KCNQ5: variants seen among roughly 807,000 people sequenced by gnomAD.
KCNQ5 encodes the protein potassium voltage-gated channel subfamily KQT member 5.
KCNQ5 carries 30 observed loss-of-function variants against 98.2 expected under a neutral mutation model. The ratio of observed to expected loss-of-function variants is 0.31; its 90% CI spans 0.23 to 0.41. KCNQ5 has a LOEUF of 0.41. Among genes scored for constraint, KCNQ5 ranks in the 10% least tolerant of loss-of-function variants. KCNQ5 has a pLI of 1.00. For synonymous variants in KCNQ5, 458 were observed against 449.4 expected, an observed-to-expected ratio of 1.02 and a Z score of -0.24; for missense variants, 835 against 1,182.5, an observed-to-expected ratio of 0.71 and a Z score of 4.31.
At position 73,153,813 on chromosome 6, in the gene KCNQ5, C is replaced by T. The variant is rs377687246; in HGVS notation, c.1469-15933C>T. 3.3e-5 allele frequency among the ~76,000 whole-genome samples: 5 copies of T among 150,624 alleles called. No individual in the cohort carries two copies. In the East Asian group the frequency reaches 7.7e-4, roughly 23 times the overall value. ...TTTTTATGTCAAGAATGTCATAATA[C>T]TAAATAAGTAAAATAAAAAATAATA... is the stretch of plus-strand genomic sequence containing the variant. On this transcript the variant is annotated intron_variant, in intron 10 of 13. Coordinates refer to ENST00000370398, the MANE Select transcript of KCNQ5 (RefSeq NM_019842.4).
intron 1 of KCNQ5, among the ~76,000 whole-genome samples, chr6:72,910,555 G>A (rs1467298223): frequency 7.7e-6 from 1 of 129,546 alleles, no homozygotes; most frequent in African/African-American, 2.9e-5. Flanking sequence ...AGAATGGAAA[G>A]GTAGGGGGGT....
intron 1 of KCNQ5, 54 bp from the exon 2 acceptor site, chr6:73,003,854 T>G: frequency 8.6e-7 from 1 of 1,168,032 alleles, no homozygotes; most frequent in Non-Finnish European, 1.3e-6. Flanking sequence ...AGAAATTAAG[T>G]CTGTGATAAT....
At chr6:72,826,356 G>C (rs1775992446) in intron 1 of KCNQ5, among the ~76,000 whole-genome samples, 1 of 152,234 alleles carries the variant, frequency 6.6e-6, no homozygotes, top group Non-Finnish European at 1.5e-5. Flanking sequence ...TTGTGGATTA[G>C]AAATAGTGAA....
intron 3 of KCNQ5, chr6:73,055,658 T>C: frequency 1.8e-6 from 2 of 1,140,258 alleles, no homozygotes; most frequent in Non-Finnish European, 1.3e-6. Context: ...CAACAGCCTC[T>C]GGGGCACTGA....
At chr6:72,993,965 G>T (rs1411497597) in intron 1 of KCNQ5, among the ~76,000 whole-genome samples, 1 of 96,726 alleles carries the variant, frequency 1.0e-5, no homozygotes, top group African/African-American at 5.2e-5. Flanking sequence ...TCCCAGTTAG[G>T]CTGCTCGGGG....
chr6:73,192,766 T>G lies in KCNQ5; in HGVS notation c.1836+75T>G. ...AAAATTTATTATAGGCAATTGTATG[T>G]ATTCCAGTGATTATTTTAAAATAAA... On this transcript the variant is annotated intron_variant, in intron 13 of 13. Transcript: ENST00000370398. 3 of 1,204,092 alleles carry G rather than the reference T, an allele frequency of 2.5e-6. No homozygotes were observed. In the South Asian group the frequency reaches 6.2e-5, roughly 25 times the overall value. 74.6% of individuals were successfully genotyped at this position (1,204,092 alleles called of 1,614,324 possible).
chr6:72,867,398 C>T (rs958015525), intron 1 of KCNQ5, among the ~76,000 whole-genome samples: 47 of 152,292 alleles, frequency 3.1e-4, no homozygotes, highest in African/African-American at 1.1e-3. Context: ...TTAAAAGAAA[C>T]ACAGAATGTT....
chr6:72,973,179 A>G (rs1767985731), intron 1 of KCNQ5, among the ~76,000 whole-genome samples: 1 of 152,250 alleles, frequency 6.6e-6, no homozygotes, highest in Non-Finnish European at 1.5e-5. Flanking sequence ...TTTATTGGTC[A>G]TAGGTTACAG....
chr6:73,092,023 T>C (rs1405484059), intron 5 of KCNQ5, among the ~76,000 whole-genome samples: 1 of 152,156 alleles, frequency 6.6e-6, no homozygotes, highest in Non-Finnish European at 1.5e-5. Flanking sequence ...TGTTTTGTAG[T>C]TTTCCATGTA....
At chr6:72,974,751 T>C (rs1768076497) in intron 1 of KCNQ5, among the ~76,000 whole-genome samples, 1 of 152,156 alleles carries the variant, frequency 6.6e-6, no homozygotes, top group South Asian at 2.1e-4. Flanking sequence ...CTACTTTTTT[T>C]TTTTTTTAGA....
intron 1 of KCNQ5, among the ~76,000 whole-genome samples, chr6:72,970,518 C>T (rs778786733): frequency 3.9e-5 from 6 of 152,082 alleles, no homozygotes; most frequent in Non-Finnish European, 8.8e-5. Flanking sequence ...AGCTAATTAC[C>T]AGTTGAGAAG....
intron 1 of KCNQ5, among the ~76,000 whole-genome samples, chr6:72,762,939 C>G (rs1366183387): frequency 1.3e-5 from 2 of 151,904 alleles, no homozygotes; most frequent in Non-Finnish European, 2.9e-5. Flanking sequence ...AGCACTGAGC[C>G]ATTTTAGTAA....
At chr6:72,841,875 CT>C (rs981105233) in intron 1 of KCNQ5, among the ~76,000 whole-genome samples, 2 of 152,110 alleles carry the variant, frequency 1.3e-5, no homozygotes, top group Admixed American at 6.6e-5. Context: ...TTCAAATCAA[CT>C]ATAGCATAAA....
intron 1 of KCNQ5, among the ~76,000 whole-genome samples, chr6:72,984,992 A>G (rs1357237001): frequency 6.6e-6 from 1 of 152,182 alleles, no homozygotes; most frequent in Admixed American, 6.5e-5. Flanking sequence ...AGATCACATG[A>G]AATCAGTAGT....
In KCNQ5 at chr6:72,833,383, C is replaced by T. The variant is rs561023138; in HGVS notation, c.399-170525C>T. ...TAACAACATTATTCAGCATTGCTTG[C>T]TTAGCATTTCACCAAACCAAACTCT... On this transcript the variant is annotated intron_variant, in intron 1 of 13. Coordinates refer to ENST00000370398, the MANE Select transcript of KCNQ5 (RefSeq NM_019842.4). Among the ~76,000 whole-genome samples, 58 of 152,240 alleles carry T rather than the reference C, an allele frequency of 3.8e-4. 1 individual carries two copies. Among genetic ancestry groups the T allele is most frequent in the South Asian group, 2.9e-3 (14 of 4,824 alleles).
intron 1 of KCNQ5, among the ~76,000 whole-genome samples, chr6:72,654,475 G>A (rs1425221851): frequency 1.3e-5 from 2 of 152,012 alleles, no homozygotes; most frequent in African/African-American, 4.8e-5. Context: ...ATAAATTTGT[G>A]AGTCGGTTTT....
Position 72,742,455 on chromosome 6 carries a change from T to A in KCNQ5, c.398+119868T>A, listed in dbSNP as rs375274481. 1.6e-4 allele frequency among the ~76,000 whole-genome samples: 25 copies of A among 152,314 alleles called. No individual in the cohort carries two copies. In the East Asian group the frequency reaches 4.4e-3, roughly 27 times the overall value. ...GCTCCTCTTTCTACTGCTATTTATATCAGCTGTCCTCCAGGAGATCAGTTT... is the reference window on the plus strand; with the variant it reads ...GCTCCTCTTTCTACTGCTATTTATAACAGCTGTCCTCCAGGAGATCAGTTT... On this transcript the variant is annotated intron_variant, in intron 1 of 13. Transcript: ENST00000370398.
chr6:72,902,837 A>C (rs1167585050), intron 1 of KCNQ5, among the ~76,000 whole-genome samples: 1 of 152,144 alleles, frequency 6.6e-6, no homozygotes, highest in Admixed American at 6.5e-5. Context: ...TTTGGGTATT[A>C]GGGTGATACT....
chr6:72,949,282 C>T (rs760120482), intron 1 of KCNQ5, among the ~76,000 whole-genome samples: 1 of 152,124 alleles, frequency 6.6e-6, no homozygotes, highest in South Asian at 2.1e-4. Flanking sequence ...GCTTTTGGCT[C>T]TCATGGTCTA....
Sources: allele counts gnomAD v4.1 joint callset (sites outside exome capture counted in the v4.1 genomes callset), GRCh38; gene constraint gnomAD v4.1.1; transcripts MANE v1.5; gene names NCBI Gene and HGNC (gene_info 2026-07-23, HGNC 2026-07-21).